Variants in ZNF579 observed in about 807,000 individuals in gnomAD.
ZNF579 encodes zinc finger protein 579.
Under a neutral mutation model 5.7 loss-of-function variants are expected in ZNF579, and 3 were observed. The ratio of observed to expected loss-of-function variants is 0.53; its 90% confidence interval spans 0.24 to 1.36. ZNF579 has a LOEUF of 1.36. ZNF579 is among the 40% of genes most tolerant of loss of function. The pLI, the probability that ZNF579 is intolerant of heterozygous loss-of-function variation, is 0.16. For synonymous variants in ZNF579, 454 were observed against 409.0 expected (o/e 1.11, Z -1.33); for missense variants, 679 against 877.6 (o/e 0.77, Z 2.86).
chr19:55,579,985 G>C, intron 1 of ZNF579: 1 of 256,170 alleles, frequency 3.9e-6, no homozygotes, highest in Non-Finnish European at 7.4e-6. Flanking sequence ...AGACAGAGGA[G>C]AGTGAGGAAC....
chr19:55,579,762 G>A (rs2063593865), intron 1 of ZNF579, 121 bp from the exon 2 acceptor site: 1 of 1,131,796 alleles, frequency 8.8e-7, no homozygotes, highest in Non-Finnish European at 1.1e-6. Context: ...CAGGTATTTA[G>A]CCAGGAGAGA....
At chr19:55,580,342 G>C (rs1381036137) in intron 1 of ZNF579, among the ~76,000 whole-genome samples, 1 of 152,020 alleles carries the variant, frequency 6.6e-6, no homozygotes, top group East Asian at 1.9e-4. Context: ...GAGTAGGAGG[G>C]TTCAGACTTC....
Position 55,578,296 on chromosome 19 carries a change from G to A in ZNF579, c.1344C>T (p.Arg448=). ...PAPHPCPRCP[R]RFSRAYSLLR... Reference sequence around the variant, plus strand: ...GGAGGCTGTAGGCGCGCGAGAAGCGGCGCGGGCAGCGGGGGCACGGGTGCG... The same window carrying A: ...GGAGGCTGTAGGCGCGCGAGAAGCGACGCGGGCAGCGGGGGCACGGGTGCG... The change falls in exon 2 of 2, where the codon CGC becomes CGT. Residue 448 remains arginine (R), a synonymous_variant. Transcript: ENST00000325421. The A allele has an allele frequency of 7.7e-7, 1 of 1,290,390 alleles. No homozygotes were observed. The allele number at this position is 1,290,390 out of a possible 1,614,324, so 79.9% of individuals were successfully genotyped here.
In ZNF579 at chr19:55,578,419, C is replaced by T. The variant is rs1470150449; in HGVS notation, c.1221G>A (p.Ser407=). The T allele has an allele frequency of 6.8e-7, 1 of 1,481,406 alleles. No individual in the cohort carries two copies. The highest frequency in any genetic ancestry group is 2.4e-5 in the Admixed American group (1 of 42,410). The allele number at this position is 1,481,406 out of a possible 1,614,324, so 91.8% of individuals were successfully genotyped here. A position where few individuals can be genotyped will look rare whatever the true frequency, so the allele number is the denominator to read the frequency against. ...GCACGCACTGGAAGGGGCGCGCTCC[C>T]GAGTGGGTCACCCCGTGCTGCCGCA... ...AHLRQHGVTH[S]GARPFQCVRC... is the part of the protein sequence containing the mutation. The change falls in exon 2 of 2, where the codon TCG becomes TCA. Residue 407 remains serine, a synonymous_variant. Coordinates refer to ENST00000325421, the MANE Select transcript of ZNF579 (RefSeq NM_152600.3).
chr19:55,579,814 C>A, intron 1 of ZNF579, 173 bp from the exon 2 acceptor site: 1 of 636,892 alleles, frequency 1.6e-6, no homozygotes, highest in South Asian at 3.7e-5. Flanking sequence ...CGAGGGGAGG[C>A]CAGAGATGGA....
Position 55,579,212 on chromosome 19 carries a change from C to T in ZNF579, c.428G>A (p.Ser143Asn). 6.6e-7 allele frequency: 1 copy of T among 1,523,846 alleles called. No homozygotes were observed. Among genetic ancestry groups the T allele is most frequent in the Non-Finnish European group, 8.8e-7 (1 of 1,141,220 alleles). 94.4% of individuals were successfully genotyped at this position (1,523,846 alleles called of 1,614,324 possible). A position where few individuals can be genotyped will look rare whatever the true frequency, so the allele number is the denominator to read the frequency against. The stretch of plus-strand genomic sequence containing the variant: ...CGAGCCCTCGTCCTGCGGGCCCCAG[C>T]TGGGTTCGGCCGTCTCCTTGGCCAC... ...ERVAKETAEP[S>N]WGPQDEGSEP... Residue 143 changes from serine (S) to asparagine (N), a missense_variant, in exon 2 of 2, where the codon AGC (serine) becomes AAC (asparagine). Transcript: ENST00000325421.
rs751154563 is a variant in ZNF579 at position 55,578,894 on chromosome 19, G to T, written c.746C>A (p.Pro249Gln). The T allele has an allele frequency of 1.9e-6, 3 of 1,592,752 alleles. No individual in the cohort carries two copies. The highest frequency in any genetic ancestry group is 2.6e-6 in the Non-Finnish European group (3 of 1,170,484). ...CTGTTCGCCCTCGGGGCGCAGACACGGGTGCGCCTTGAGCTCGCCCTTGGT... is the reference window on the plus strand; with the variant it reads ...CTGTTCGCCCTCGGGGCGCAGACACTGGTGCGCCTTGAGCTCGCCCTTGGT... ...FATKGELKAH[P>Q]CLRPEGEQEG... Residue 249 changes from proline (P) to glutamine (Q), a missense_variant, in exon 2 of 2, where the codon CCG (proline) becomes CAG (glutamine). By Grantham distance (76) the Pro-to-Gln change is moderately conservative. This residue lies in a region of ZNF579 where 209 missense variants were observed against 223.4 expected (regional missense o/e 0.94). Coordinates refer to ENST00000325421, the MANE Select transcript of ZNF579 (RefSeq NM_152600.3).
rs1979563296 is a variant in ZNF579, at chr19:55,579,488, C to T, written c.152G>A (p.Arg51His). The change falls in exon 2 of 2, where the codon CGC (arginine) becomes CAC (histidine). Residue 51 changes from arginine to histidine, a missense_variant. Transcript: ENST00000325421. ...RAPLPCPTCG[R>H]LFRFPYYLSR... ...GAGGTAGTAGGGGAAACGGAAGAGG[C>T]GGCCGCAGGTGGGGCAGGGCAGGGG... The T allele has an allele frequency of 4.4e-6, 6 of 1,358,066 alleles. No individual in the cohort carries two copies. Among genetic ancestry groups the T allele is most frequent in the Non-Finnish European group, 4.7e-6 (5 of 1,056,212 alleles). The allele number at this position is 1,358,066 out of a possible 1,614,324, so 84.1% of individuals were successfully genotyped here.
Position 55,578,117 on chromosome 19 carries a change from TTAA to T in ZNF579, c.1520_1522del (p.Ile507del). 1 of 1,555,552 alleles carries T rather than the reference TTAA, an allele frequency of 6.4e-7. No homozygotes were observed. The highest frequency in any genetic ancestry group is 8.7e-7 in the Non-Finnish European group (1 of 1,149,538). ...GGTCCCCGGAGAGGGCGGCTCTTCCTTAATGTTTGCGAGGGGCAGCGGGAGCCC... is the reference window on the plus strand; with the variant it reads ...GGTCCCCGGAGAGGGCGGCTCTTCCTTGTTTGCGAGGGGCAGCGGGAGCCC... On this transcript the variant is annotated inframe_deletion, in exon 2 of 2. Transcript: ENST00000325421.
chr19:55,579,650 A>T lies in ZNF579; in HGVS notation c.-2-9T>A. 4 of 1,428,294 alleles carry T rather than the reference A, an allele frequency of 2.8e-6. No individual in the cohort carries two copies. Among genetic ancestry groups the T allele is most frequent in the Non-Finnish European group, 3.6e-6 (4 of 1,100,208 alleles). The allele number at this position is 1,428,294 out of a possible 1,614,324, so 88.5% of individuals were successfully genotyped here. A position where few individuals can be genotyped will look rare whatever the true frequency, so the allele number is the denominator to read the frequency against. On this transcript the variant is annotated splice_polypyrimidine_tract_variant and intron_variant, in intron 1 of 1. Transcript: ENST00000325421. Reference sequence around the variant, plus strand: ...AGGCTGCGGATCCATGCCTGTGGGGAGAGAGGGGAGAGATGGGAAGCGGGG... The same window carrying T: ...AGGCTGCGGATCCATGCCTGTGGGGTGAGAGGGGAGAGATGGGAAGCGGGG...
At position 55,577,720 on chromosome 19, in the gene ZNF579, A is replaced by G; in HGVS notation, c.*231T>C. ...CAACTGTCCGCCGCCTTTTTTTCCAAGTCGTCCTGCCTTAAGACACATGTT... is the reference window on the plus strand; with the variant it reads ...CAACTGTCCGCCGCCTTTTTTTCCAGGTCGTCCTGCCTTAAGACACATGTT... On this transcript the variant is annotated 3_prime_UTR_variant, in exon 2 of 2. Transcript: ENST00000325421. The G allele has an allele frequency of 1.3e-6, 1 of 751,674 alleles. No homozygotes were observed. Among genetic ancestry groups the G allele is most frequent in the Non-Finnish European group, 2.0e-6 (1 of 501,254 alleles). The allele number at this position is 751,674 out of a possible 1,614,324, so 46.6% of individuals were successfully genotyped here.
At position 55,578,661 on chromosome 19, in the gene ZNF579, C is replaced by T; in HGVS notation, c.979G>A (p.Ala327Thr). Residue 327 changes from alanine (A) to threonine (T), a missense_variant, in exon 2 of 2, where the codon GCC (alanine) becomes ACC (threonine). By Grantham distance (58) the Ala-to-Thr change is moderately conservative. Coordinates refer to ENST00000325421, the MANE Select transcript of ZNF579 (RefSeq NM_152600.3). Reference sequence around the variant, plus strand: ...TTCTTGCCCGCCGCGGGCAGCGGGGCCAGCAGGCTGAGGGGGCCGTGGACG... The same window carrying T: ...TTCTTGCCCGCCGCGGGCAGCGGGGTCAGCAGGCTGAGGGGGCCGTGGACG... ...RRVHGPLSLL[A>T]PLPAAGKKDD... The T allele has an allele frequency of 6.5e-7, 1 of 1,535,754 alleles. No homozygotes were observed. The highest frequency in any genetic ancestry group is 8.7e-7 in the Non-Finnish European group (1 of 1,151,386).
rs1029941482 is a variant in ZNF579 at position 55,577,841 on chromosome 19, G to T, written c.*110C>A. ...GGCCCCCCACTCCTTAGTGTCAAGG[G>T]CGTGAAGGGGACGGGTGGGTAGACA... On this transcript the variant is annotated 3_prime_UTR_variant, in exon 2 of 2. Transcript: ENST00000325421. 1 of 1,498,564 alleles carries T rather than the reference G, an allele frequency of 6.7e-7. No individual in the cohort carries two copies. The highest frequency in any genetic ancestry group is 1.4e-5 in the African/African-American group (1 of 72,382). The allele number at this position is 1,498,564 out of a possible 1,614,324, so 92.8% of individuals were successfully genotyped here.
At position 55,577,967 on chromosome 19, in the gene ZNF579, C is replaced by G. The variant is rs368966691; in HGVS notation, c.1673G>C (p.Gly558Ala). 35 of 1,593,826 alleles carry G rather than the reference C, an allele frequency of 2.2e-5. No homozygotes were observed. In the African/African-American group the frequency reaches 4.2e-4, roughly 19 times the overall value. Residue 558 changes from glycine to alanine, a missense_variant, in exon 2 of 2, where the codon GGG becomes GCG. Transcript: ENST00000325421. ...CGGCGAAGGTCAGGAGGCCAGGCCC[C>G]CCAGCCCGCGCAGGTGAGCCTTGCT... ...VDSKAHLRGL[G>A]GLAS
At chr19:55,580,505 AGGGGCTGGGGAG>A (rs1327274108) in intron 1 of ZNF579, among the ~76,000 whole-genome samples, 1 of 6,286 alleles carries the variant, frequency 1.6e-4, no homozygotes, top group Admixed American at 1.9e-3. Context: ...CCGGTGGAGG[AGGGGCTGGGGAG>A]GGGGCTGGGC....
Position 55,578,586 on chromosome 19 carries a change from C to T in ZNF579, c.1054G>A (p.Gly352Ser), listed in dbSNP as rs572846949. 2.2e-5 allele frequency: 32 copies of T among 1,485,694 alleles called. No individual in the cohort carries two copies. In the Admixed American group the frequency reaches 3.7e-4, roughly 17 times the overall value. 92.0% of individuals were successfully genotyped at this position (1,485,694 alleles called of 1,614,324 possible). ...GCACCCCCGCACTCCGCCCCCTCGCCCCCCTCCGGCCCCTTGGCTGAGTTC... is the reference window on the plus strand; with the variant it reads ...GCACCCCCGCACTCCGCCCCCTCGCTCCCCTCCGGCCCCTTGGCTGAGTTC... ...ARNSAKGPEG[G>S]EGAECGGASE... The change falls in exon 2 of 2, where the codon GGC (glycine) becomes AGC (serine). Residue 352 changes from glycine to serine, a missense_variant. By Grantham distance (56) the Gly-to-Ser change is moderately conservative (BLOSUM62 0). This residue lies in a region of ZNF579 where 114 missense variants were observed against 98.9 expected (regional missense o/e 1.15). Transcript: ENST00000325421.
Position 55,577,820 on chromosome 19 carries a change from C to T in ZNF579, c.*131G>A, listed in dbSNP as rs1000979222. On this transcript the variant is annotated 3_prime_UTR_variant, in exon 2 of 2. Transcript: ENST00000325421. ...GGGGAGGAAGGGGCAGTCCAGGGCC[C>T]CCCACTCCTTAGTGTCAAGGGCGTG... is the stretch of plus-strand genomic sequence containing the variant. 2 of 1,466,734 alleles carry T rather than the reference C, an allele frequency of 1.4e-6. No homozygotes were observed. The highest frequency in any genetic ancestry group is 1.4e-5 in the African/African-American group (1 of 71,122). The allele number at this position is 1,466,734 out of a possible 1,614,324, so 90.9% of individuals were successfully genotyped here. A position where few individuals can be genotyped will look rare whatever the true frequency, so the allele number is the denominator to read the frequency against.
At position 55,579,304 on chromosome 19, in the gene ZNF579, C is replaced by A; in HGVS notation, c.336G>T (p.Pro112=). The A allele has an allele frequency of 6.6e-7, 1 of 1,504,270 alleles. No individual in the cohort carries two copies. Among genetic ancestry groups the A allele is most frequent in the South Asian group, 1.2e-5 (1 of 81,262 alleles). The allele number at this position is 1,504,270 out of a possible 1,614,324, so 93.2% of individuals were successfully genotyped here. The part of the protein sequence containing the change: ...CAACPRTFPE[P]AQLRRHLAQE... Reference sequence around the variant, plus strand: ...GAGCCAGGTGGCGCCTGAGCTGGGCCGGTTCTGGGAAGGTGCGGGGGCAGG... The same window carrying A: ...GAGCCAGGTGGCGCCTGAGCTGGGCAGGTTCTGGGAAGGTGCGGGGGCAGG... Residue 112 remains proline, a synonymous_variant, in exon 2 of 2, where the codon CCG becomes CCT. Transcript: ENST00000325421.
In ZNF579 at chr19:55,578,016, C is replaced by T; in HGVS notation, c.1624G>A (p.Glu542Lys). ...CTGTCTACCTCTTCCTCCTCCATCT[C>T]GAAGGCTGAGTGGTCTTGGCTGTCG... ...CFDSQDHSAF[E>K]MEEEEVDSKA... Residue 542 changes from glutamate to lysine, a missense_variant, in exon 2 of 2, where the codon GAG becomes AAG. Glu to Lys is a moderately conservative substitution (Grantham distance 56, BLOSUM62 1). This residue lies in a region of ZNF579 where 116 missense variants were observed against 121.9 expected (regional missense o/e 0.95). Coordinates refer to ENST00000325421, the MANE Select transcript of ZNF579 (RefSeq NM_152600.3). 6.3e-7 allele frequency: 1 copy of T among 1,598,966 alleles called. No homozygotes were observed. The highest frequency in any genetic ancestry group is 2.3e-5 in the East Asian group (1 of 44,248).
Sources: allele counts gnomAD v4.1 joint callset (sites outside exome capture counted in the v4.1 genomes callset), GRCh38; gene constraint gnomAD v4.1.1; regional missense constraint gnomAD v4.1.1; transcripts MANE v1.5; gene names NCBI Gene and HGNC (gene_info 2026-07-23, HGNC 2026-07-21).